Variants in NKAIN3 observed in about 807,000 individuals in gnomAD.
The protein encoded by NKAIN3 is sodium/potassium-transporting ATPase subunit beta-1-interacting protein 3.
In NKAIN3, 25 loss-of-function variants were observed where a neutral mutation model predicts 30.2. The observed-to-expected ratio is 0.83, with a 90% CI of 0.60 to 1.16. The LOEUF (loss-of-function observed/expected upper bound fraction) is 1.16, where lower values mean the gene tolerates loss of function less well. Ranked by LOEUF, NKAIN3 falls within the 50% of genes most tolerant of loss-of-function variation. The pLI is 0.00. For synonymous variants in NKAIN3, 91 were observed against 89.6 expected (o/e 1.02, Z -0.09); for missense variants, 225 against 254.1 (o/e 0.89, Z 0.78).
intron 1 of NKAIN3, among the ~76,000 whole-genome samples, chr8:62,444,034 A>T (rs1341824239): frequency 6.6e-6 from 1 of 152,152 alleles, no homozygotes; most frequent in African/African-American, 2.4e-5. Flanking sequence ...TAATGGTTCC[A>T]ATACTTGAAC....
At chr8:62,654,303 A>G (rs1044966623) in intron 3 of NKAIN3, among the ~76,000 whole-genome samples, 2 of 152,090 alleles carry the variant, frequency 1.3e-5, no homozygotes, top group African/African-American at 4.8e-5. Context: ...AAAGGAAAAG[A>G]TAAAAAAGTT....
chr8:62,971,022 T>C lies in NKAIN3; in HGVS notation c.*5615T>C, dbSNP rs1823820763. ...TTTTATTTCGAAATTCTGGAGACAG[T>C]CAGCAAAGAGCCGGATGTGATTTCC... On this transcript the variant is annotated 3_prime_UTR_variant, in exon 7 of 7. Coordinates refer to ENST00000623646, the MANE Select transcript of NKAIN3 (RefSeq NM_001304533.3). Among the ~76,000 whole-genome samples, 1 of 151,878 alleles carries C rather than the reference T, an allele frequency of 6.6e-6. No individual in the cohort carries two copies. The highest frequency in any genetic ancestry group is 2.4e-5 in the African/African-American group (1 of 41,338).
At chr8:62,380,921 A>C (rs903061089) in intron 1 of NKAIN3, among the ~76,000 whole-genome samples, 6 of 152,160 alleles carry the variant, frequency 3.9e-5, no homozygotes, top group African/African-American at 1.4e-4. Context: ...CAATAAAGAG[A>C]AAATGGTAAT....
chr8:62,948,976 A>T (rs1823204492), intron 5 of NKAIN3, among the ~76,000 whole-genome samples: 2 of 152,196 alleles, frequency 1.3e-5, no homozygotes, highest in African/African-American at 4.8e-5. Context: ...GATTTACCAT[A>T]AGCAGCAAGC....
intron 4 of NKAIN3, 75 bp from the exon 5 acceptor site, chr8:62,918,378 A>T (rs1822171587): frequency 9.8e-7 from 1 of 1,016,488 alleles, no homozygotes. Flanking sequence ...ATTTATCTTT[A>T]TTAGATTATA....
chr8:62,480,551 G>A (rs74564457), intron 1 of NKAIN3, among the ~76,000 whole-genome samples: 1 of 130,054 alleles, frequency 7.7e-6, no homozygotes, highest in Admixed American at 7.9e-5. Context: ...AAAAAAAAAG[G>A]AATAGAGAAG....
At chr8:62,802,086 A>C (rs1275025084) in intron 4 of NKAIN3, among the ~76,000 whole-genome samples, 1 of 152,190 alleles carries the variant, frequency 6.6e-6, no homozygotes, top group Admixed American at 6.5e-5. Context: ...ATAAAAGGAA[A>C]TGAACAAAGC....
intron 1 of NKAIN3, among the ~76,000 whole-genome samples, chr8:62,320,370 T>C (rs1814833114): frequency 6.6e-6 from 1 of 152,158 alleles, no homozygotes. Context: ...TTTGATCCTG[T>C]CATTATGATG....
At chr8:62,796,998 T>G (rs1451440430) in intron 4 of NKAIN3, among the ~76,000 whole-genome samples, 3 of 152,226 alleles carry the variant, frequency 2.0e-5, no homozygotes, top group Non-Finnish European at 4.4e-5. Flanking sequence ...TGATTCCATT[T>G]GTTTAGAGAA....
chr8:62,948,677 T>C (rs1009256105), intron 5 of NKAIN3, among the ~76,000 whole-genome samples: 7 of 152,312 alleles, frequency 4.6e-5, no homozygotes, highest in African/African-American at 1.7e-4. Flanking sequence ...TTTCAAAATA[T>C]GTTTAAGATC....
At chr8:62,609,441 A>G (rs1481305826) in intron 3 of NKAIN3, among the ~76,000 whole-genome samples, 10 of 152,196 alleles carry the variant, frequency 6.6e-5, no homozygotes, top group Admixed American at 5.2e-4. Flanking sequence ...CAACTCATTA[A>G]CATTTTCTTT....
chr8:62,664,456 T>G (rs1336693680), intron 3 of NKAIN3, among the ~76,000 whole-genome samples: 1 of 152,104 alleles, frequency 6.6e-6, no homozygotes, highest in Non-Finnish European at 1.5e-5. Flanking sequence ...AACCTCAACT[T>G]TGTGGGAAGA....
Position 62,881,913 on chromosome 8 carries a change from C to A in NKAIN3, c.472-36540C>A, listed in dbSNP as rs567471016. On this transcript the variant is annotated intron_variant, in intron 4 of 6. Coordinates refer to ENST00000623646, the MANE Select transcript of NKAIN3 (RefSeq NM_001304533.3). Reference sequence around the variant, plus strand: ...TCAACACATCCTCACCAGAATTTGGCGTTGTCAGCGTTTTTGGAATTTGGC... The same window carrying A: ...TCAACACATCCTCACCAGAATTTGGAGTTGTCAGCGTTTTTGGAATTTGGC... Among the ~76,000 whole-genome samples, 4 of 152,280 alleles carry A rather than the reference C, an allele frequency of 2.6e-5. No homozygotes were observed. The East Asian group carries it at 7.7e-4, about 29-fold the overall frequency.
At chr8:62,535,641 G>A (rs1057217461) in intron 1 of NKAIN3, among the ~76,000 whole-genome samples, 15 of 152,140 alleles carry the variant, frequency 9.9e-5, no homozygotes, top group Non-Finnish European at 1.9e-4. Context: ...TCAAGATGAG[G>A]AGATGTATAG....
At chr8:62,460,571 C>A (rs1198482494) in intron 1 of NKAIN3, among the ~76,000 whole-genome samples, 1 of 152,028 alleles carries the variant, frequency 6.6e-6, no homozygotes, top group Non-Finnish European at 1.5e-5. Flanking sequence ...ATTTAATTCA[C>A]TTGAGTCCCA....
intron 1 of NKAIN3, among the ~76,000 whole-genome samples, chr8:62,306,519 A>G (rs956180312): frequency 1.4e-5 from 2 of 147,216 alleles, no homozygotes; most frequent in African/African-American, 5.3e-5. Flanking sequence ...GTCAATGCCT[A>G]GAAGGCTTTG....
At chr8:62,311,800 C>A (rs891791641) in intron 1 of NKAIN3, among the ~76,000 whole-genome samples, 1 of 150,230 alleles carries the variant, frequency 6.7e-6, no homozygotes, top group Non-Finnish European at 1.5e-5. Context: ...ATCCATCTGC[C>A]TGAAATAGTT....
Position 62,543,287 on chromosome 8 carries a change from T to C in NKAIN3, c.55-36252T>C, listed in dbSNP as rs1808901903. Reference sequence around the variant, plus strand: ...GGTTTCTTCTAGCATTTCAGGCTACTAGCCTTCCTTTGGTCCATCTAGCTC... The same window carrying C: ...GGTTTCTTCTAGCATTTCAGGCTACCAGCCTTCCTTTGGTCCATCTAGCTC... On this transcript the variant is annotated intron_variant, in intron 1 of 6. Coordinates refer to ENST00000623646, the MANE Select transcript of NKAIN3 (RefSeq NM_001304533.3). Among the ~76,000 whole-genome samples the C allele has an allele frequency of 3.3e-5, 5 of 152,182 alleles. No homozygotes were observed. In the South Asian group the frequency reaches 1.0e-3, roughly 32 times the overall value.
chr8:62,942,173 TATATATATATATACAC>T (rs1822977412), intron 5 of NKAIN3, among the ~76,000 whole-genome samples: 1 of 145,312 alleles, frequency 6.9e-6, no homozygotes, highest in South Asian at 2.1e-4. Context: ...AGCTGCAATA[TATATATATATATACAC>T]ATATATATAC....
Sources: allele counts gnomAD v4.1 joint callset (sites outside exome capture counted in the v4.1 genomes callset), GRCh38; gene constraint gnomAD v4.1.1; transcripts MANE v1.5; gene names NCBI Gene and HGNC (gene_info 2026-07-23, HGNC 2026-07-21).